The following STARD13 variants were observed in gnomAD, a reference collection of about 807,000 sequenced individuals.
STARD13 encodes StAR related lipid transfer domain containing 13, also known as stAR-related lipid transfer protein 13.
A neutral mutation model predicts 106.4 loss-of-function variants in STARD13; 62 were observed. That is an observed-to-expected ratio of 0.58 (90% CI 0.48 to 0.72). The LOEUF (loss-of-function observed/expected upper bound fraction) is 0.72. Ranked by LOEUF, STARD13 falls within the 30% of genes least tolerant of loss-of-function variation. The pLI, the probability that STARD13 is intolerant of heterozygous loss-of-function variation, is 0.00. For synonymous variants in STARD13, 565 were observed against 553.0 expected (o/e 1.02, Z -0.31); for missense variants, 1,387 against 1,424.0 (o/e 0.97, Z 0.42).
At chr13:33,593,231 C>T in the STARD13 span, among the ~76,000 whole-genome samples, 1 of 152,106 alleles carries the variant, frequency 6.6e-6, no homozygotes, top group Admixed American at 6.5e-5. Context: ...GTCACCCAGG[C>T]TGGAGTGCAG....
chr13:33,365,518 C>T, the STARD13 span, among the ~76,000 whole-genome samples: 1 of 152,108 alleles, frequency 6.6e-6, no homozygotes, highest in Non-Finnish European at 1.5e-5. Flanking sequence ...GAAGGTAAGG[C>T]GGGTAGCAAG....
the STARD13 span, among the ~76,000 whole-genome samples, chr13:33,619,167 A>G: frequency 6.7e-6 from 1 of 149,236 alleles, no homozygotes; most frequent in Non-Finnish European, 1.5e-5. Context: ...CAAAGACCAC[A>G]CCTCAGATAA....
At chr13:33,395,926 C>T in the STARD13 span, among the ~76,000 whole-genome samples, 1 of 152,172 alleles carries the variant, frequency 6.6e-6, no homozygotes. Flanking sequence ...ATTGCAGCCT[C>T]GAATCCCTGT....
At chr13:33,673,165 G>T in the STARD13 span, among the ~76,000 whole-genome samples, 1 of 152,094 alleles carries the variant, frequency 6.6e-6, no homozygotes, top group South Asian at 2.1e-4. Flanking sequence ...CCATCCTCTG[G>T]CATCTCTACA....
intron 1 of STARD13, among the ~76,000 whole-genome samples, chr13:33,223,249 C>T (rs1188715147): frequency 6.6e-6 from 1 of 152,184 alleles, no homozygotes; most frequent in Non-Finnish European, 1.5e-5. Context: ...CCACTTTGGT[C>T]CTTCAAGAAT....
chr13:33,612,275 A>T, the STARD13 span, among the ~76,000 whole-genome samples: 10 of 152,328 alleles, frequency 6.6e-5, no homozygotes. Flanking sequence ...CCCCTTCCTT[A>T]AGACACTTGA....
intron 3 of STARD13, among the ~76,000 whole-genome samples, chr13:33,156,713 A>T (rs1882027669): frequency 6.6e-6 from 1 of 152,230 alleles, no homozygotes; most frequent in Non-Finnish European, 1.5e-5. Flanking sequence ...TAAAACAGAC[A>T]GGAGCCTATC....
At chr13:33,186,556 C>T (rs900679155) in intron 1 of STARD13, among the ~76,000 whole-genome samples, 1 of 152,126 alleles carries the variant, frequency 6.6e-6, no homozygotes, top group Non-Finnish European at 1.5e-5. Flanking sequence ...TTCCTCGGTA[C>T]GAAAACTATC....
chr13:33,609,636 G>A, the STARD13 span, among the ~76,000 whole-genome samples: 4 of 150,400 alleles, frequency 2.7e-5, no homozygotes, highest in African/African-American at 7.3e-5. Flanking sequence ...GCAGGACCTC[G>A]GCTCACTGCA....
the STARD13 span, among the ~76,000 whole-genome samples, chr13:33,490,808 T>C: frequency 6.6e-6 from 1 of 152,228 alleles, no homozygotes. Context: ...TCCACTGAGC[T>C]GATTAACACT....
At chr13:33,382,572 C>A in the STARD13 span, among the ~76,000 whole-genome samples, 2 of 152,120 alleles carry the variant, frequency 1.3e-5, no homozygotes, top group Non-Finnish European at 2.9e-5. Flanking sequence ...ATTGTAGCAT[C>A]CAGCACACAA....
At chr13:33,477,381 T>C in the STARD13 span, among the ~76,000 whole-genome samples, 30 of 152,200 alleles carry the variant, frequency 2.0e-4, no homozygotes, top group Non-Finnish European at 3.1e-4. Flanking sequence ...AGGGACAGGA[T>C]AGACCTGGGG....
In STARD13 at chr13:33,220,383, T is replaced by C. The variant is rs1888289374; in HGVS notation, c.170-52761A>G. ...TGAATATTAGCTATAAGGGTGAAGA[T>C]GATCCCTTATAAAAATGACTGCATT... On this transcript the variant is annotated intron_variant, in intron 1 of 13. Coordinates refer to ENST00000336934, the MANE Select transcript of STARD13 (RefSeq NM_178006.4). Among the ~76,000 whole-genome samples the C allele has an allele frequency of 2.0e-5, 3 of 152,200 alleles. No homozygotes were observed. In the South Asian group the frequency reaches 6.2e-4, roughly 31 times the overall value.
chr13:33,664,759 G>C, the STARD13 span, among the ~76,000 whole-genome samples: 1 of 151,988 alleles, frequency 6.6e-6, no homozygotes, highest in South Asian at 2.1e-4. Context: ...CCGGAGTAGC[G>C]GGGACTACAG....
At chr13:33,569,566 T>C in the STARD13 span, among the ~76,000 whole-genome samples, 4 of 147,478 alleles carry the variant, frequency 2.7e-5, no homozygotes, top group East Asian at 2.0e-4. Context: ...GAAAAGATGT[T>C]AAATGAGGTG....
exon 1 of STARD13, chr13:33,350,609 A>C (rs1487228817): frequency 7.2e-7 from 1 of 1,382,018 alleles, no homozygotes. Flanking sequence ...CCTGGCCACC[A>C]GAAACGCCGC....
At chr13:33,443,603 C>T in the STARD13 span, among the ~76,000 whole-genome samples, 7 of 151,754 alleles carry the variant, frequency 4.6e-5, 1 homozygote, top group South Asian at 4.2e-4. Context: ...GAGGATGTCT[C>T]GGCCATGTGT....
At chr13:33,343,604 T>TAAAAAAAAAAAA (rs1173728997) in intron 1 of STARD13, among the ~76,000 whole-genome samples, 2 of 76,588 alleles carry the variant, frequency 2.6e-5, no homozygotes, top group African/African-American at 5.1e-5. Flanking sequence ...AAAACAAATC[T>TAAAAAAAAAAAA]ACAAATCTAG....
chr13:33,627,406 A>G, the STARD13 span, among the ~76,000 whole-genome samples: 33 of 152,178 alleles, frequency 2.2e-4, no homozygotes, highest in Admixed American at 1.9e-3. Flanking sequence ...CGGGAGGCTG[A>G]GGTGGGTGGA....
Sources: allele counts gnomAD v4.1 joint callset (sites outside exome capture counted in the v4.1 genomes callset), GRCh38; gene constraint gnomAD v4.1.1; transcripts MANE v1.5; gene names NCBI Gene and HGNC (gene_info 2026-07-23, HGNC 2026-07-21).